Variants in C12orf75 observed in about 807,000 individuals in gnomAD.
The protein encoded by C12orf75 is chromosome 12 open reading frame 75, also known as overexpressed in colon carcinoma 1 protein.
Under a neutral mutation model 11.4 loss-of-function variants are expected in C12orf75, and 4 were observed. That is an observed-to-expected ratio of 0.35 (90% CI 0.17 to 0.80). C12orf75 has a LOEUF of 0.80. C12orf75 is among the 30% of genes least tolerant of loss of function. The probability of loss-of-function intolerance (pLI) is 0.52; values close to 1 mark genes in which losing one functional copy is unlikely to be tolerated. For missense variants in C12orf75, 89 were observed against 80.4 expected (o/e 1.11, Z -0.41); for synonymous variants, 30 against 30.0 (o/e 1.00, Z 0.00).
Position 105,357,261 on chromosome 12 carries a change from A to G in C12orf75, c.72-8546A>G, listed in dbSNP as rs1335447552. Among the ~76,000 whole-genome samples the G allele has an allele frequency of 2.6e-5, 4 of 152,260 alleles. No individual in the cohort carries two copies. The East Asian group carries it at 7.7e-4, about 29-fold the overall frequency. The stretch of plus-strand genomic sequence containing the variant: ...GGCTGGTTTTAGTAAGTTCACAGGA[A>G]GTGAGCTAGAAGTGGAATTAATAGA... On this transcript the variant is annotated intron_variant, in intron 2 of 5. Transcript: ENST00000443585.
intron 2 of C12orf75, among the ~76,000 whole-genome samples, chr12:105,358,645 A>G (rs531680212): frequency 6.6e-6 from 1 of 152,160 alleles, no homozygotes; most frequent in Non-Finnish European, 1.5e-5. Flanking sequence ...CTTTCCACAA[A>G]TTTTTCAAAT....
At chr12:105,365,864 G>C in intron 3 of C12orf75, 22 bp downstream of exon 3, 1 of 1,520,430 alleles carries the variant, frequency 6.6e-7, no homozygotes, top group South Asian at 1.2e-5. Flanking sequence ...ATTGCAGCTG[G>C]CTTTAGTTTG....
chr12:105,351,572 G>C (rs922003505), intron 2 of C12orf75, among the ~76,000 whole-genome samples: 1 of 152,208 alleles, frequency 6.6e-6, no homozygotes, highest in African/African-American at 2.4e-5. Context: ...AGTGTGGTAA[G>C]TGCTAATTAT....
chr12:105,358,305 G>A (rs1240823888), intron 2 of C12orf75, among the ~76,000 whole-genome samples: 1 of 152,168 alleles, frequency 6.6e-6, no homozygotes, highest in African/African-American at 2.4e-5. Flanking sequence ...CACTTGAGCT[G>A]AGGAGTTCGA....
chr12:105,351,482 G>T (rs1308566334), intron 2 of C12orf75, among the ~76,000 whole-genome samples: 1 of 152,108 alleles, frequency 6.6e-6, no homozygotes, highest in Admixed American at 6.6e-5. Flanking sequence ...TTTTCTATAG[G>T]TGAGAAGTCA....
At chr12:105,355,747 A>G (rs1350242304) in intron 2 of C12orf75, among the ~76,000 whole-genome samples, 1 of 152,198 alleles carries the variant, frequency 6.6e-6, no homozygotes, top group Admixed American at 6.5e-5. Flanking sequence ...AGGAAAAGCC[A>G]AATTTCTTAA....
intron 1 of C12orf75, among the ~76,000 whole-genome samples, chr12:105,344,660 C>T (rs867301994): frequency 4.0e-5 from 6 of 151,628 alleles, no homozygotes; most frequent in Non-Finnish European, 5.9e-5. Flanking sequence ...GCAGGAGAAT[C>T]GCTTGAACCC....
At position 105,330,723 on chromosome 12, in the gene C12orf75, C is replaced by G. The variant is rs1026308462; in HGVS notation, c.-169C>G. ...GCCCGGCAGCCCGCAGCCCGCTGCG[C>G]CCCGGGCCGCGTCTCCCGGCGGTGG... is the stretch of plus-strand genomic sequence containing the variant. On this transcript the variant is annotated 5_prime_UTR_variant, in exon 1 of 6. Coordinates refer to ENST00000443585, the MANE Select transcript of C12orf75 (RefSeq NM_001145199.2). 8.9e-6 allele frequency: 5 copies of G among 562,754 alleles called. No homozygotes were observed. The highest frequency in any genetic ancestry group is 1.2e-5 in the Non-Finnish European group (5 of 403,348). The allele number at this position is 562,754 out of a possible 1,614,324, so 34.9% of individuals were successfully genotyped here.
At chr12:105,338,916 C>T (rs771696291) in intron 1 of C12orf75, among the ~76,000 whole-genome samples, 33 of 152,128 alleles carry the variant, frequency 2.2e-4, no homozygotes, top group Non-Finnish European at 2.9e-4. Context: ...TAGCACTACT[C>T]AACAAGGACG....
At chr12:105,339,877 C>A (rs923621321) in intron 1 of C12orf75, among the ~76,000 whole-genome samples, 5 of 152,026 alleles carry the variant, frequency 3.3e-5, no homozygotes, top group African/African-American at 1.2e-4. Context: ...ACCTCAGCCT[C>A]CCAAAATGCT....
At chr12:105,351,628 C>A (rs570013234) in intron 2 of C12orf75, among the ~76,000 whole-genome samples, 5 of 152,122 alleles carry the variant, frequency 3.3e-5, no homozygotes, top group African/African-American at 9.6e-5. Context: ...GAAGGATGAA[C>A]AAGAGTTCAT....
intron 1 of C12orf75, among the ~76,000 whole-genome samples, chr12:105,335,067 A>G (rs1488603787): frequency 1.3e-5 from 2 of 152,214 alleles, no homozygotes; most frequent in Non-Finnish European, 2.9e-5. Flanking sequence ...TGCCAGAGAT[A>G]TGTAATTGGT....
At chr12:105,341,680 A>G (rs986067497) in intron 1 of C12orf75, among the ~76,000 whole-genome samples, 4 of 152,206 alleles carry the variant, frequency 2.6e-5, no homozygotes, top group Non-Finnish European at 5.9e-5. Context: ...GCCCCAGTGG[A>G]GTTGGGCTAT....
At chr12:105,350,326 C>T (rs546185109) in intron 2 of C12orf75, among the ~76,000 whole-genome samples, 59 of 152,300 alleles carry the variant, frequency 3.9e-4, no homozygotes, top group African/African-American at 1.0e-3. Context: ...GCTCGCATGG[C>T]GTGGGAGGAG....
intron 2 of C12orf75, among the ~76,000 whole-genome samples, chr12:105,360,363 G>T (rs1461430938): frequency 6.6e-6 from 1 of 152,236 alleles, no homozygotes; most frequent in Non-Finnish European, 1.5e-5. Context: ...GAACGGAGTG[G>T]CTCATCCAGG....
chr12:105,357,803 TGTGTGAGAGA>T (rs1348518827), intron 2 of C12orf75, among the ~76,000 whole-genome samples: 69 of 147,126 alleles, frequency 4.7e-4, no homozygotes, highest in African/African-American at 1.6e-3. Context: ...TGTGTGTGTG[TGTGTGAGAGA>T]GAGAGAGAGA....
rs7962432 is a variant in C12orf75 at position 105,366,428 on chromosome 12, A to T, written c.108-189A>T. 271,347 of 376,018 alleles carry T rather than the reference A, an allele frequency of 0.72. 98,860 individuals are homozygous for T. The highest frequency in any genetic ancestry group is 0.87 in the East Asian group (22,211 of 25,396). The allele number at this position is 376,018 out of a possible 1,614,324, so 23.3% of individuals were successfully genotyped here. ...AACGCAATACATCTTTCTTTTTTTT[A>T]AAAAAAATAGCTTCTTTTTAACCTA... On this transcript the variant is annotated intron_variant, in intron 3 of 5. Transcript: ENST00000443585.
intron 2 of C12orf75, among the ~76,000 whole-genome samples, chr12:105,357,807 T>TGTGTGTGTGTGTGTGA (rs1491090986): frequency 0.014 from 1,749 of 122,794 alleles, 22 homozygotes; most frequent in Non-Finnish European, 0.021. Context: ...TGTGTGTGTG[T>TGTGTGTGTGTGTGTGA]GAGAGAGAGA....
chr12:105,337,849 C>G (rs1892516156), intron 1 of C12orf75, among the ~76,000 whole-genome samples: 1 of 151,976 alleles, frequency 6.6e-6, no homozygotes, highest in South Asian at 2.1e-4. Context: ...ATGAATGCAG[C>G]TTTGATCTTT....
Sources: allele counts gnomAD v4.1 joint callset (sites outside exome capture counted in the v4.1 genomes callset), GRCh38; gene constraint gnomAD v4.1.1; transcripts MANE v1.5; gene names NCBI Gene and HGNC (gene_info 2026-07-23, HGNC 2026-07-21).